The following NAALADL2 variants were observed in gnomAD, a reference collection of about 807,000 sequenced individuals.
The protein encoded by NAALADL2 is N-acetylated alpha-linked acidic dipeptidase like 2, also known as inactive N-acetylated-alpha-linked acidic dipeptidase-like protein 2.
NAALADL2 carries 76 observed loss-of-function variants against 87.2 expected under a neutral mutation model. The ratio of observed to expected loss-of-function variants is 0.87; its 90% CI spans 0.72 to 1.05. NAALADL2 has a LOEUF of 1.05. Among genes scored for constraint, NAALADL2 ranks in the 50% least tolerant of loss-of-function variants. The pLI is 0.00. For synonymous variants in NAALADL2, 354 were observed against 331.0 expected (o/e 1.07, Z -0.75); for missense variants, 1,089 against 945.8 (o/e 1.15, Z -1.99).
At chr3:175,134,829 C>T (rs1344478930) in intron 2 of NAALADL2, among the ~76,000 whole-genome samples, 1 of 152,000 alleles carries the variant, frequency 6.6e-6, no homozygotes, top group Non-Finnish European at 1.5e-5. Flanking sequence ...TGTCTTGGCT[C>T]CAAGATAACT....
At chr3:175,234,312 T>A in intron 3 of NAALADL2, 108 bp downstream of exon 3, 2 of 1,204,190 alleles carry the variant, frequency 1.7e-6, no homozygotes, top group Non-Finnish European at 2.3e-6. Flanking sequence ...AAAGTAACCA[T>A]TAAATCTTTT....
chr3:175,487,099 C>T lies in NAALADL2; in HGVS notation c.1653+15341C>T, dbSNP rs139356486. Among the ~76,000 whole-genome samples, 62 of 152,244 alleles carry T rather than the reference C, an allele frequency of 4.1e-4. No homozygotes were observed. The East Asian group carries it at 0.011, about 26-fold the overall frequency. ...GTAAAAGCCAAAGTCCTTATAATGG[C>T]CGGAGAGGCCCTGCAAAACCTGGCC... On this transcript the variant is annotated intron_variant, in intron 9 of 13. Coordinates refer to ENST00000454872, the MANE Select transcript of NAALADL2 (RefSeq NM_207015.3).
At chr3:174,834,675 T>C (rs935968400) in intron 3 of NAALADL2, among the ~76,000 whole-genome samples, 7 of 151,732 alleles carry the variant, frequency 4.6e-5, no homozygotes, top group African/African-American at 1.7e-4. Flanking sequence ...AAAAACAAAT[T>C]ATAAAAATAA....
chr3:175,074,818 T>C (rs1210946995), intron 1 of NAALADL2, among the ~76,000 whole-genome samples: 2 of 151,268 alleles, frequency 1.3e-5, no homozygotes, highest in Non-Finnish European at 3.0e-5. Context: ...GTACCAGGGG[T>C]GAATGGTTGA....
At chr3:174,959,962 C>T (rs1302019650) in intron 1 of NAALADL2, among the ~76,000 whole-genome samples, 2 of 151,980 alleles carry the variant, frequency 1.3e-5, no homozygotes, top group African/African-American at 4.8e-5. Flanking sequence ...CTTAAAGGTC[C>T]TGTTCACTCT....
intron 11 of NAALADL2, among the ~76,000 whole-genome samples, chr3:175,667,441 G>A (rs556759676): frequency 6.6e-6 from 1 of 152,150 alleles, no homozygotes; most frequent in South Asian, 2.1e-4. Context: ...AACTTTGATT[G>A]TCTTTCTGGT....
chr3:174,758,028 A>G (rs1578809268), intron 3 of NAALADL2, among the ~76,000 whole-genome samples: 3 of 152,340 alleles, frequency 2.0e-5, no homozygotes, highest in Non-Finnish European at 4.4e-5. Context: ...AAAGGCTCAT[A>G]TGAGCCTGGA....
At chr3:175,429,059 C>G (rs1219232279) in intron 5 of NAALADL2, among the ~76,000 whole-genome samples, 1 of 151,712 alleles carries the variant, frequency 6.6e-6, no homozygotes, top group Non-Finnish European at 1.5e-5. Context: ...GGCAGTAGTT[C>G]TGCAGGGAGT....
Position 175,044,775 on chromosome 3 carries a change from G to T in NAALADL2, c.44-52015G>T, listed in dbSNP as rs140535550. Among the ~76,000 whole-genome samples the T allele has an allele frequency of 2.6e-3, 395 of 152,080 alleles. 1 individual carries two copies. The highest frequency in any genetic ancestry group is 8.8e-3 in the African/African-American group (364 of 41,524). On this transcript the variant is annotated intron_variant, in intron 1 of 13. Transcript: ENST00000454872. ...TAAAAGTATCAAAGTCTTACAGATT[G>T]GTTTTGATTTCTTTCTAGTATCTTT...
intron 1 of NAALADL2, among the ~76,000 whole-genome samples, chr3:174,942,463 C>T (rs1368942162): frequency 6.6e-6 from 1 of 152,066 alleles, no homozygotes; most frequent in Non-Finnish European, 1.5e-5. Context: ...CTGCCTTTAA[C>T]GTTCTTTCTT....
At chr3:175,124,282 CAAATA>C (rs1360757206) in intron 2 of NAALADL2, 1 of 151,928 alleles carries the variant, frequency 6.6e-6, no homozygotes, top group Non-Finnish European at 1.5e-5. Context: ...TTGGCTTAGA[CAAATA>C]AAACAAGATG....
chr3:175,122,663 C>T (rs1726327649), intron 2 of NAALADL2, among the ~76,000 whole-genome samples: 1 of 151,736 alleles, frequency 6.6e-6, no homozygotes, highest in South Asian at 2.1e-4. Flanking sequence ...TTGCTTGAAG[C>T]AGCTTTCTCT....
At chr3:175,129,526 A>G (rs1483085212) in intron 2 of NAALADL2, among the ~76,000 whole-genome samples, 1 of 152,126 alleles carries the variant, frequency 6.6e-6, no homozygotes, top group Admixed American at 6.5e-5. Flanking sequence ...GCTTTTATGA[A>G]TTTGACTTGG....
chr3:175,374,056 A>T (rs527653774), intron 5 of NAALADL2, among the ~76,000 whole-genome samples: 16 of 152,230 alleles, frequency 1.1e-4, no homozygotes, highest in Non-Finnish European at 1.5e-4. Context: ...CATTTGTCAG[A>T]TATACATATT....
intron 5 of NAALADL2, among the ~76,000 whole-genome samples, chr3:175,427,455 C>T (rs556579350): frequency 2.6e-5 from 4 of 152,206 alleles, no homozygotes; most frequent in South Asian, 2.1e-4. Context: ...AAATGATTCA[C>T]GTTATATACA....
At chr3:175,757,692 G>C (rs1216238240) in intron 13 of NAALADL2, among the ~76,000 whole-genome samples, 1 of 151,890 alleles carries the variant, frequency 6.6e-6, no homozygotes, top group Admixed American at 6.6e-5. Flanking sequence ...AAGCATCAGG[G>C]ACATAGCTGT....
At chr3:175,488,577 AAGTGTTTTCCCCC>A (rs1727630540) in intron 9 of NAALADL2, among the ~76,000 whole-genome samples, 2 of 152,192 alleles carry the variant, frequency 1.3e-5, no homozygotes, top group Admixed American at 1.3e-4. Flanking sequence ...ATGAGTAATA[AAGTGTTTTCCCCC>A]CTCACATGTT....
intron 9 of NAALADL2, among the ~76,000 whole-genome samples, chr3:175,480,345 T>G (rs1328306500): frequency 6.6e-6 from 1 of 151,794 alleles, no homozygotes; most frequent in Non-Finnish European, 1.5e-5. Flanking sequence ...AGCGCATTGT[T>G]GTAGACATAT....
chr3:174,635,563 C>T (rs1158802820), intron 2 of NAALADL2, among the ~76,000 whole-genome samples: 1 of 150,034 alleles, frequency 6.7e-6, no homozygotes, highest in Non-Finnish European at 1.5e-5. Flanking sequence ...AGTGCTCTGG[C>T]GCGATCTCGG....
Sources: allele counts gnomAD v4.1 joint callset (sites outside exome capture counted in the v4.1 genomes callset), GRCh38; gene constraint gnomAD v4.1.1; transcripts MANE v1.5; gene names NCBI Gene and HGNC (gene_info 2026-07-23, HGNC 2026-07-21).